The following PDZRN4 variants were observed in gnomAD, a reference collection of about 807,000 sequenced individuals.
The protein encoded by PDZRN4 is PDZ domain-containing RING finger protein 4.
A neutral mutation model predicts 99.0 loss-of-function variants in PDZRN4; 70 were observed. That is an observed-to-expected ratio of 0.71 (90% CI 0.58 to 0.86). PDZRN4 has a LOEUF of 0.86. PDZRN4 is among the 40% of genes least tolerant of loss of function. The pLI is 0.00. For synonymous variants in PDZRN4, 551 were observed against 501.6 expected (o/e 1.10, Z -1.32); for missense variants, 1,474 against 1,331.2 (o/e 1.11, Z -1.67).
Position 41,265,199 on chromosome 12 carries a change from A to C in PDZRN4, c.843+71011A>C, listed in dbSNP as rs76272889. Among the ~76,000 whole-genome samples the C allele has an allele frequency of 1.0e-3, 158 of 152,330 alleles. 1 individual carries two copies. Among genetic ancestry groups the C allele is most frequent in the African/African-American group, 3.7e-3 (154 of 41,576 alleles). ...TTTAAAAATTTAGAGATCTACATGT[A>C]TAAGTGAAGAAATCCTGGGCTTCTT... On this transcript the variant is annotated intron_variant, in intron 3 of 9. Transcript: ENST00000402685.
chr12:41,210,775 C>T (rs1461704792), intron 3 of PDZRN4, among the ~76,000 whole-genome samples: 1 of 151,812 alleles, frequency 6.6e-6, no homozygotes, highest in Non-Finnish European at 1.5e-5. Context: ...TGTGTATTTC[C>T]TGTCATGGAT....
intron 3 of PDZRN4, among the ~76,000 whole-genome samples, chr12:41,293,022 C>G (rs1451218532): frequency 6.6e-6 from 1 of 151,230 alleles, no homozygotes; most frequent in African/African-American, 2.4e-5. Context: ...GGCACGCGCA[C>G]CTTGCTTCTG....
intron 3 of PDZRN4, among the ~76,000 whole-genome samples, chr12:41,382,656 C>A (rs998004546): frequency 6.6e-6 from 1 of 152,174 alleles, no homozygotes. Flanking sequence ...CAAGATGCAC[C>A]TTTTCCATTA....
At chr12:41,488,151 T>C (rs1238360424) in intron 3 of PDZRN4, among the ~76,000 whole-genome samples, 1 of 152,216 alleles carries the variant, frequency 6.6e-6, no homozygotes, top group Non-Finnish European at 1.5e-5. Flanking sequence ...AAAACTATAC[T>C]CTGCCATCTC....
chr12:41,450,015 C>T (rs964441220), intron 3 of PDZRN4, among the ~76,000 whole-genome samples: 1 of 151,792 alleles, frequency 6.6e-6, no homozygotes, highest in African/African-American at 2.4e-5. Flanking sequence ...CTTTGGGCTT[C>T]ATAATTATGA....
chr12:41,365,462 C>A (rs1156991296), intron 3 of PDZRN4, among the ~76,000 whole-genome samples: 2 of 151,964 alleles, frequency 1.3e-5, no homozygotes, highest in African/African-American at 2.4e-5. Flanking sequence ...CCAGAGTAAA[C>A]CTCATCTTAC....
intron 3 of PDZRN4, among the ~76,000 whole-genome samples, chr12:41,498,641 C>T (rs1938055560): frequency 6.6e-6 from 1 of 152,128 alleles, no homozygotes; most frequent in African/African-American, 2.4e-5. Flanking sequence ...GTTTTCATAT[C>T]TCAACACTGT....
At chr12:41,389,113 A>T (rs1459544631) in intron 3 of PDZRN4, among the ~76,000 whole-genome samples, 6 of 152,176 alleles carry the variant, frequency 3.9e-5, no homozygotes, top group Admixed American at 3.9e-4. Flanking sequence ...TATATGAAAA[A>T]GTAGGAGAAA....
intron 3 of PDZRN4, among the ~76,000 whole-genome samples, chr12:41,293,260 A>G (rs747071760): frequency 3.4e-5 from 5 of 145,630 alleles, no homozygotes; most frequent in African/African-American, 5.0e-5. Context: ...AGGACACGTA[A>G]TTAATTGTCC....
At chr12:41,441,203 T>C (rs971521992) in intron 3 of PDZRN4, among the ~76,000 whole-genome samples, 1 of 152,158 alleles carries the variant, frequency 6.6e-6, no homozygotes, top group African/African-American at 2.4e-5. Flanking sequence ...AAATCTCATA[T>C]TGTGATATGC....
chr12:41,355,123 C>T (rs757738544), intron 3 of PDZRN4, among the ~76,000 whole-genome samples: 2 of 152,002 alleles, frequency 1.3e-5, no homozygotes, highest in Non-Finnish European at 2.9e-5. Flanking sequence ...GTGAAGAGAT[C>T]GCTGAGGGCC....
chr12:41,281,775 C>G (rs1565540777), intron 3 of PDZRN4, among the ~76,000 whole-genome samples: 1 of 152,130 alleles, frequency 6.6e-6, no homozygotes, highest in Non-Finnish European at 1.5e-5. Context: ...GCGAATGGAA[C>G]CAAGCTGGAA....
At chr12:41,544,478 G>C (rs1938913676) in intron 5 of PDZRN4, among the ~76,000 whole-genome samples, 1 of 152,084 alleles carries the variant, frequency 6.6e-6, no homozygotes, top group African/African-American at 2.4e-5. Context: ...GTCCTCTGCT[G>C]GTACTATAAA....
chr12:41,221,855 A>C (rs1029157671), intron 3 of PDZRN4, among the ~76,000 whole-genome samples: 4 of 152,180 alleles, frequency 2.6e-5, no homozygotes, highest in Non-Finnish European at 4.4e-5. Flanking sequence ...CACAACTGAC[A>C]GCTTTTAAAG....
intron 5 of PDZRN4, among the ~76,000 whole-genome samples, chr12:41,545,804 C>A (rs1325899777): frequency 6.6e-6 from 1 of 151,630 alleles, no homozygotes; most frequent in African/African-American, 2.4e-5. Flanking sequence ...TCCATGGTTT[C>A]TTTTTCCTCC....
At chr12:41,385,039 T>C (rs573303029) in intron 3 of PDZRN4, among the ~76,000 whole-genome samples, 2 of 152,324 alleles carry the variant, frequency 1.3e-5, no homozygotes, top group Admixed American at 6.5e-5. Context: ...TAGCACCTAC[T>C]TGATGCCAAC....
At position 41,555,683 on chromosome 12, in the gene PDZRN4, T is replaced by C. The variant is rs750529482; in HGVS notation, c.1303-15T>C. The C allele has an allele frequency of 3.8e-6, 6 of 1,599,306 alleles. No homozygotes were observed. The South Asian group carries it at 6.6e-5, about 18-fold the overall frequency. On this transcript the variant is annotated splice_polypyrimidine_tract_variant and intron_variant, in intron 6 of 9. Coordinates refer to ENST00000402685, the MANE Select transcript of PDZRN4 (RefSeq NM_001164595.2). ...TTTCATACCCAGTTGAAGATGTATG[T>C]CCTCTTCATTACAGGTTGACCCAAA... is the stretch of plus-strand genomic sequence containing the variant.
Position 41,274,759 on chromosome 12 carries a change from C to T in PDZRN4, c.843+80571C>T, listed in dbSNP as rs145120226. Among the ~76,000 whole-genome samples, 248 of 152,264 alleles carry T rather than the reference C, an allele frequency of 1.6e-3. 2 individuals carry two copies. Among genetic ancestry groups the T allele is most frequent in the South Asian group, 6.8e-3 (33 of 4,822 alleles). ...CATAGCTAGCATTCCCTGGCTCAAA[C>T]TTTGCCTGGTGTGTTCATGAAGTAT... is the stretch of plus-strand genomic sequence containing the variant. On this transcript the variant is annotated intron_variant, in intron 3 of 9. Coordinates refer to ENST00000402685, the MANE Select transcript of PDZRN4 (RefSeq NM_001164595.2).
chr12:41,555,666 C>T, intron 6 of PDZRN4, 32 bp from the exon 7 acceptor site: 1 of 1,537,042 alleles, frequency 6.5e-7, no homozygotes, highest in Non-Finnish European at 9.0e-7. Flanking sequence ...TGTTTCATAC[C>T]CAGTTGAAGA....
Sources: allele counts gnomAD v4.1 joint callset (sites outside exome capture counted in the v4.1 genomes callset), GRCh38; gene constraint gnomAD v4.1.1; transcripts MANE v1.5; gene names NCBI Gene and HGNC (gene_info 2026-07-23, HGNC 2026-07-21).